Variants in ACOXL observed in about 807,000 individuals in gnomAD.
ACOXL encodes the protein acyl-coenzyme A oxidase-like protein.
In ACOXL, 70 loss-of-function variants were observed where a neutral mutation model predicts 71.9. That is an observed-to-expected ratio of 0.97 (90% confidence interval 0.80 to 1.19). ACOXL has a LOEUF of 1.19. ACOXL is among the 50% of genes most tolerant of loss of function. The probability of loss-of-function intolerance (pLI) is 0.00; values close to 1 mark genes in which losing one functional copy is unlikely to be tolerated. For missense variants in ACOXL, 703 were observed against 736.3 expected, an observed-to-expected ratio of 0.95 and a Z score of 0.52; for synonymous variants, 253 against 281.6, an observed-to-expected ratio of 0.90 and a Z score of 1.02.
rs537685287 is a variant in ACOXL, at chr2:111,103,209, C to A, written c.1542+10243C>A. ...ACTAGGGAGGCTGAGGCATGAGAAT[C>A]ACTTGAACCTGGGAAATGGGGGTTG... is the stretch of plus-strand genomic sequence containing the variant. On this transcript the variant is annotated intron_variant, in intron 17 of 17. Coordinates refer to ENST00000439055, the MANE Select transcript of ACOXL (RefSeq NM_001142807.4). 2.0e-5 allele frequency among the ~76,000 whole-genome samples: 3 copies of A among 152,280 alleles called. No homozygotes were observed. In the East Asian group the frequency reaches 5.8e-4, roughly 29 times the overall value.
At chr2:110,852,369 C>T (rs1692723728) in intron 10 of ACOXL, among the ~76,000 whole-genome samples, 1 of 152,170 alleles carries the variant, frequency 6.6e-6, no homozygotes, top group Non-Finnish European at 1.5e-5. Flanking sequence ...GGCTCCCTGG[C>T]TCATATTCTG....
chr2:111,012,212 C>A (rs558827358), intron 14 of ACOXL, among the ~76,000 whole-genome samples: 7 of 152,182 alleles, frequency 4.6e-5, no homozygotes, highest in Non-Finnish European at 8.8e-5. Context: ...CCTCTTGGTG[C>A]CATTTTTCCA....
chr2:111,038,075 T>A (rs1210608979), intron 15 of ACOXL, among the ~76,000 whole-genome samples: 1 of 152,190 alleles, frequency 6.6e-6, no homozygotes. Flanking sequence ...GAGCCAACAT[T>A]CAGTGAGGGC....
intron 10 of ACOXL, among the ~76,000 whole-genome samples, chr2:110,844,092 A>C (rs1213227703): frequency 6.6e-6 from 1 of 152,162 alleles, no homozygotes; most frequent in Non-Finnish European, 1.5e-5. Flanking sequence ...AGCAGAAAGA[A>C]TGGTTAGAAA....
At chr2:110,792,519 G>A (rs901929527) in intron 3 of ACOXL, among the ~76,000 whole-genome samples, 1 of 152,172 alleles carries the variant, frequency 6.6e-6, no homozygotes, top group Non-Finnish European at 1.5e-5. Flanking sequence ...GCTGGGCATG[G>A]TGGCTCATGC....
Position 110,846,794 on chromosome 2 carries a change from G to C in ACOXL, c.788+5389G>C, listed in dbSNP as rs530717114. On this transcript the variant is annotated intron_variant, in intron 10 of 17. Transcript: ENST00000439055. ...AGAGGGGTGTGTGTGTGTTGGGGGG[G>C]GTGTATGTGTTTGTGTGTGTCTTCA... Among the ~76,000 whole-genome samples the C allele has an allele frequency of 1.3e-5, 2 of 151,744 alleles. 1 individual carries two copies. The highest frequency in any genetic ancestry group is 3.9e-4 in the East Asian group (2 of 5,156).
chr2:110,973,770 G>A (rs1168087117), intron 12 of ACOXL, among the ~76,000 whole-genome samples: 2 of 152,110 alleles, frequency 1.3e-5, no homozygotes, highest in South Asian at 4.2e-4. Context: ...TTCCATAAAG[G>A]CCTGTTTAAT....
At chr2:111,003,100 AGTT>A (rs747121773) in intron 14 of ACOXL, among the ~76,000 whole-genome samples, 59 of 152,328 alleles carry the variant, frequency 3.9e-4, no homozygotes, top group Non-Finnish European at 6.3e-4. Context: ...TTCTGCTTAT[AGTT>A]GTTCTCTGTC....
intron 6 of ACOXL, 99 bp from the exon 7 acceptor site, chr2:110,798,915 C>G (rs1207465559): frequency 1.5e-6 from 2 of 1,322,218 alleles, no homozygotes; most frequent in Admixed American, 3.4e-5. Flanking sequence ...AGTTGTAGAA[C>G]TGAATGAGTT....
chr2:111,001,493 G>A (rs1282428297), intron 14 of ACOXL, among the ~76,000 whole-genome samples: 3 of 152,206 alleles, frequency 2.0e-5, no homozygotes, highest in Admixed American at 2.0e-4. Context: ...GAACCCAGAG[G>A]GTGGAGCCAA....
chr2:111,035,157 T>C (rs1976058), intron 15 of ACOXL, among the ~76,000 whole-genome samples: 22,609 of 151,970 alleles, frequency 0.15, 2,723 homozygotes, highest in African/African-American at 0.33. Context: ...TGAGCCACCG[T>C]CCCCGGCCTA....
intron 16 of ACOXL, among the ~76,000 whole-genome samples, chr2:111,064,812 G>T (rs79190953): frequency 0.028 from 4,208 of 152,232 alleles, 125 homozygotes; most frequent in South Asian, 0.14. Context: ...ACATGTAAAG[G>T]ACTTGTATGC....
chr2:110,819,219 G>T (rs1573671665), intron 9 of ACOXL, among the ~76,000 whole-genome samples: 1 of 152,314 alleles, frequency 6.6e-6, no homozygotes, highest in East Asian at 1.9e-4. Context: ...AGGTGGTTTG[G>T]ACCAGATAAT....
chr2:110,948,703 TAA>T (rs5833377), intron 12 of ACOXL, among the ~76,000 whole-genome samples: 20,285 of 70,728 alleles, frequency 0.29, 1,912 homozygotes, highest in Non-Finnish European at 0.33. Flanking sequence ...CCAGAAGAAC[TAA>T]AAAAAAAAAA....
chr2:110,817,226 G>A (rs1034144384), intron 9 of ACOXL, among the ~76,000 whole-genome samples: 1 of 152,228 alleles, frequency 6.6e-6, no homozygotes, highest in Non-Finnish European at 1.5e-5. Context: ...GATTCCATGT[G>A]TGTGTTCTCA....
intron 1 of ACOXL, 49 bp from the exon 2 acceptor site, chr2:110,768,319 C>T (rs1681384419): frequency 6.6e-7 from 1 of 1,504,784 alleles, no homozygotes. Context: ...CACAGCCTCC[C>T]CTCAGTCACC....
chr2:110,968,186 TCTA>T, intron 12 of ACOXL: 7 of 1,129,424 alleles, frequency 6.2e-6, no homozygotes, highest in Non-Finnish European at 9.3e-6. Context: ...ACAGACAACA[TCTA>T]TGAAGGCCAA....
At chr2:111,095,855 G>T (rs1050472724) in intron 17 of ACOXL, among the ~76,000 whole-genome samples, 3 of 152,200 alleles carry the variant, frequency 2.0e-5, no homozygotes, top group African/African-American at 7.2e-5. Context: ...CTCTGAGCTG[G>T]CAACCCTGAG....
chr2:110,773,374 T>C (rs1390061065), intron 2 of ACOXL, among the ~76,000 whole-genome samples: 1 of 152,174 alleles, frequency 6.6e-6, no homozygotes, highest in African/African-American at 2.4e-5. Flanking sequence ...AAACAGCCTT[T>C]CCTGGGAAGC....
Sources: allele counts gnomAD v4.1 joint callset (sites outside exome capture counted in the v4.1 genomes callset), GRCh38; gene constraint gnomAD v4.1.1; transcripts MANE v1.5; gene names NCBI Gene and HGNC (gene_info 2026-07-23, HGNC 2026-07-21).